Variants in SORL1 observed in about 807,000 individuals in gnomAD.
SORL1 encodes the protein sortilin-related receptor.
A neutral mutation model predicts 273.7 loss-of-function variants in SORL1; 127 were observed. The observed-to-expected ratio is 0.46, with a 90% CI of 0.40 to 0.54. SORL1 has a LOEUF of 0.54. Among genes scored for constraint, SORL1 ranks in the 20% least tolerant of loss-of-function variants. SORL1 has a pLI of 0.00. For missense variants in SORL1, 2,494 were observed against 2,846.1 expected, an observed-to-expected ratio of 0.88 and a Z score of 2.81; for synonymous variants, 1,031 against 1,067.4, an observed-to-expected ratio of 0.97 and a Z score of 0.66.
At chr11:121,576,865 A>G (rs1457268154) in intron 24 of SORL1, 6 of 1,535,356 alleles carry the variant, frequency 3.9e-6, no homozygotes, top group Non-Finnish European at 5.2e-6. Context: ...ACCTCTCGGC[A>G]CTCCTTTTCT....
chr11:121,585,425 G>C (rs1203953995), intron 26 of SORL1, among the ~76,000 whole-genome samples: 1 of 151,798 alleles, frequency 6.6e-6, no homozygotes, highest in Non-Finnish European at 1.5e-5. Context: ...GGAGGCTGCA[G>C]TGAACTGTGA....
intron 32 of SORL1, among the ~76,000 whole-genome samples, chr11:121,603,440 CA>C (rs1456241702): frequency 6.6e-6 from 1 of 152,260 alleles, no homozygotes; most frequent in Non-Finnish European, 1.5e-5. Context: ...TTTCTCTTTT[CA>C]GGAGCATTTG....
chr11:121,591,282 A>T, intron 31 of SORL1, 126 bp downstream of exon 31: 1 of 947,520 alleles, frequency 1.1e-6, no homozygotes, highest in Non-Finnish European at 1.6e-6. Flanking sequence ...CTGTGTGGCC[A>T]GGTTGCCTGT....
At chr11:121,625,336 A>T (rs2134954568) in intron 46 of SORL1, 59 bp downstream of exon 46, 1 of 1,342,680 alleles carries the variant, frequency 7.4e-7, no homozygotes, top group South Asian at 1.3e-5. Context: ...CAAGAATGTC[A>T]TATGGTTTCA....
At chr11:121,494,281 T>C (rs1268721332) in intron 5 of SORL1, among the ~76,000 whole-genome samples, 1 of 152,196 alleles carries the variant, frequency 6.6e-6, no homozygotes, top group African/African-American at 2.4e-5. Context: ...TTTTAGGCTA[T>C]TTGTGGGATT....
chr11:121,597,547 C>T (rs7939826), intron 32 of SORL1, among the ~76,000 whole-genome samples: 6,701 of 151,928 alleles, frequency 0.044, 279 homozygotes, highest in African/African-American at 0.11. Context: ...CTGCAGCTTC[C>T]GCCTTTCGAG....
intron 31 of SORL1, among the ~76,000 whole-genome samples, chr11:121,592,448 A>G (rs1174419184): frequency 6.6e-6 from 1 of 152,238 alleles, no homozygotes; most frequent in South Asian, 2.1e-4. Context: ...TCTGCTTTGA[A>G]CAAGTAGGGT....
Position 121,595,635 on chromosome 11 carries a change from C to G in SORL1, c.4382C>G (p.Ala1461Gly). The change falls in exon 32 of 48, where the codon GCT becomes GGT. Residue 1461 changes from alanine (A) to glycine (G), a missense_variant. Coordinates refer to ENST00000260197, the MANE Select transcript of SORL1 (RefSeq NM_003105.6). The surrounding 1 kb of genome is among the most constrained non-coding windows in gnomAD (Gnocchi z 5.1). ...TCTTTTATTTTAGCAAACGTCACTG[C>G]TGCCTCCACTCCCACCCAACTTGGG... Reference protein sequence around the residue: ...EACPLLANVTAASTPTQLGRC... With the variant: ...EACPLLANVTGASTPTQLGRC... 6.2e-7 allele frequency: 1 copy of G among 1,604,260 alleles called. No individual in the cohort carries two copies. The highest frequency in any genetic ancestry group is 8.5e-7 in the Non-Finnish European group (1 of 1,175,158).
At position 121,543,727 on chromosome 11, in the gene SORL1, G is replaced by A; in HGVS notation, c.1864+1G>A. The A allele has an allele frequency of 1.2e-6, 2 of 1,610,926 alleles. No individual in the cohort carries two copies. The highest frequency in any genetic ancestry group is 1.7e-6 in the Non-Finnish European group (2 of 1,178,824). On this transcript the variant is annotated splice_donor_variant, in intron 13 of 47. Transcript: ENST00000260197. LOFTEE classifies it high-confidence loss of function. ...CAGGTCAATGCCACGGATGCCTTGG[G>A]TAAGCTGCTGCCTCCTTGGACCTTT...
intron 31 of SORL1, among the ~76,000 whole-genome samples, chr11:121,594,148 TC>T (rs1429574478): frequency 6.6e-6 from 1 of 151,952 alleles, no homozygotes; most frequent in Non-Finnish European, 1.5e-5. Context: ...CTGTTTTTAA[TC>T]CTCTAGAAGC....
intron 4 of SORL1, among the ~76,000 whole-genome samples, chr11:121,488,591 A>G (rs1055343676): frequency 2.0e-5 from 3 of 152,182 alleles, no homozygotes; most frequent in African/African-American, 4.8e-5. Context: ...TCCATCCTCC[A>G]TCTTAAACAC....
At chr11:121,517,116 G>A (rs768083484) in intron 8 of SORL1, among the ~76,000 whole-genome samples, 1 of 152,146 alleles carries the variant, frequency 6.6e-6, no homozygotes, top group Non-Finnish European at 1.5e-5. Flanking sequence ...TTTAAAGTGG[G>A]CAATTCAGTG....
intron 8 of SORL1, among the ~76,000 whole-genome samples, chr11:121,516,919 G>A (rs138978646): frequency 1.7e-4 from 26 of 152,238 alleles, no homozygotes; most frequent in African/African-American, 5.1e-4. Flanking sequence ...GGGCGTGGTG[G>A]CACGTACCTA....
At chr11:121,566,761 G>C (rs1446682126) in intron 21 of SORL1, 179 bp from the exon 22 acceptor site, 2 of 584,136 alleles carry the variant, frequency 3.4e-6, no homozygotes, top group Non-Finnish European at 6.0e-6. Context: ...CAAGTCACTG[G>C]TTATACTGAG....
chr11:121,551,454 C>T (rs1862505873), intron 16 of SORL1, among the ~76,000 whole-genome samples: 1 of 152,196 alleles, frequency 6.6e-6, no homozygotes, highest in South Asian at 2.1e-4. Context: ...AACATGGGGT[C>T]TTTACCACAG....
intron 11 of SORL1, among the ~76,000 whole-genome samples, chr11:121,530,466 A>G (rs940487012): frequency 3.3e-5 from 5 of 152,204 alleles, no homozygotes; most frequent in East Asian, 1.9e-4. Flanking sequence ...AAAGATGTCT[A>G]CTGTTTTCTT....
At chr11:121,614,847 A>G in intron 40 of SORL1, 24 bp from the exon 41 acceptor site, 1 of 1,606,318 alleles carries the variant, frequency 6.2e-7, no homozygotes, top group African/African-American at 1.3e-5. Flanking sequence ...TTCCTCCTGG[A>G]ATCTCCTTTT....
Position 121,472,639 on chromosome 11 carries a change from C to G in SORL1, c.402+2516C>G, listed in dbSNP as rs1861188832. Among the ~76,000 whole-genome samples the G allele has an allele frequency of 2.0e-5, 3 of 152,152 alleles. No homozygotes were observed. The South Asian group carries it at 6.2e-4, about 32-fold the overall frequency. On this transcript the variant is annotated intron_variant, in intron 2 of 47. Coordinates refer to ENST00000260197, the MANE Select transcript of SORL1 (RefSeq NM_003105.6). ...TCTATTGAAACCCAACTCTTGCTCT[C>G]TCTGTATATTTGGGTGTGTCTAACT...
intron 6 of SORL1, among the ~76,000 whole-genome samples, chr11:121,505,566 CT>C (rs1407656212): frequency 6.6e-6 from 1 of 151,714 alleles, no homozygotes; most frequent in Non-Finnish European, 1.5e-5. Flanking sequence ...TATTTTTCTT[CT>C]TTTTTTATAT....
Sources: gnomAD v4.1 joint callset for allele counts (sites outside exome capture counted in the v4.1 genomes callset) on GRCh38, gnomAD v4.1.1 for gene constraint, Gnocchi (gnomAD v3.1) non-coding constraint, MANE v1.5 for transcripts, NCBI Gene and HGNC (gene_info 2026-07-23, HGNC 2026-07-21) for gene names.